PHACTR2: variants seen among roughly 807,000 people sequenced by gnomAD.
The protein encoded by PHACTR2 is chromosome 6 open reading frame 56.
In PHACTR2, 30 loss-of-function variants were observed where a neutral mutation model predicts 76.0. That is an observed-to-expected ratio of 0.39 (90% CI 0.30 to 0.54). The LOEUF is 0.54. Among genes scored for constraint, PHACTR2 ranks in the 20% least tolerant of loss-of-function variants. The pLI, the probability that PHACTR2 is intolerant of heterozygous loss-of-function variation, is 0.61. For missense variants in PHACTR2, 696 were observed against 781.1 expected, an observed-to-expected ratio of 0.89 and a Z score of 1.30; for synonymous variants, 292 against 292.5, an observed-to-expected ratio of 1.00 and a Z score of 0.02.
chr6:143,740,164 G>T (rs1210654488), intron 2 of PHACTR2, among the ~76,000 whole-genome samples: 1 of 152,148 alleles, frequency 6.6e-6, no homozygotes, highest in Non-Finnish European at 1.5e-5. Context: ...ACCGTATAGG[G>T]TAACTTCCTA....
rs542210767 is a variant in PHACTR2, at chr6:143,809,927, C to T, written c.1922+2794C>T. On this transcript the variant is annotated intron_variant, in intron 12 of 12. Coordinates refer to ENST00000440869, the MANE Select transcript of PHACTR2 (RefSeq NM_001100164.2). The surrounding 1 kb of genome is among the most constrained non-coding windows in gnomAD (Gnocchi z 4.2). ...AGGAGTTCGAGACCAGCCTGGACAA[C>T]ATAGCAAACCCTGTCTCTACTAAAA... Among the ~76,000 whole-genome samples the T allele has an allele frequency of 2.0e-5, 3 of 152,094 alleles. No homozygotes were observed. Among genetic ancestry groups the T allele is most frequent in the Admixed American group, 1.3e-4 (2 of 15,278 alleles).
At position 143,738,345 on chromosome 6, in the gene PHACTR2, A is replaced by G. The variant is rs1024961691; in HGVS notation, c.215-10640A>G. Among the ~76,000 whole-genome samples the G allele has an allele frequency of 6.8e-4, 103 of 151,798 alleles. 1 individual carries two copies. The highest frequency in any genetic ancestry group is 2.3e-3 in the African/African-American group (96 of 41,378). ...AGCCTGGGCGACAGAGGGAGACTCCATCTCAAAACAAAACAAAACAAAAGA... is the reference window on the plus strand; with the variant it reads ...AGCCTGGGCGACAGAGGGAGACTCCGTCTCAAAACAAAACAAAACAAAAGA... On this transcript the variant is annotated intron_variant, in intron 2 of 12. Transcript: ENST00000440869. The surrounding 1 kb of genome is among the most constrained non-coding windows in gnomAD (Gnocchi z 4.0).
Position 143,541,167 on chromosome 6 carries a change from A to G in PHACTR2, c.217+3960A>G, listed in dbSNP as rs1781168043. Among the ~76,000 whole-genome samples, 3 of 152,250 alleles carry G rather than the reference A, an allele frequency of 2.0e-5. No individual in the cohort carries two copies. Among genetic ancestry groups the G allele is most frequent in the African/African-American group, 4.8e-5 (2 of 41,460 alleles). ...AATTTTTAAAGTAAAATCTTGAAACAAGGTTCTCATAGTATATGGTCATGT... is the reference window on the plus strand; with the variant it reads ...AATTTTTAAAGTAAAATCTTGAAACGAGGTTCTCATAGTATATGGTCATGT... On this transcript the variant is annotated intron_variant, in intron 1 of 11. Transcript: ENST00000367584. This position sits in a 1 kb window ranked among gnomAD's most constrained non-coding sequence, Gnocchi z 5.3.
At chr6:143,773,990 C>T in intron 7 of PHACTR2, 69 bp from the exon 8 acceptor site, 10 of 1,354,972 alleles carry the variant, frequency 7.4e-6, no homozygotes, top group Non-Finnish European at 9.3e-6. Flanking sequence ...AAGTCCATGC[C>T]ATGTGTAACC....
At position 143,783,087 on chromosome 6, in the gene PHACTR2, A is replaced by G. The variant is rs959267703; in HGVS notation, c.1646-132A>G. ...AACCTTCCTACAAAATATTTTGACAACTTTTTAACAATGTTGGTTGTGTGT... is the reference window on the plus strand; with the variant it reads ...AACCTTCCTACAAAATATTTTGACAGCTTTTTAACAATGTTGGTTGTGTGT... On this transcript the variant is annotated intron_variant, in intron 9 of 12. Coordinates refer to ENST00000440869, the MANE Select transcript of PHACTR2 (RefSeq NM_001100164.2). The surrounding 1 kb of genome is among the most constrained non-coding windows in gnomAD (Gnocchi z 5.2). 10 of 588,884 alleles carry G rather than the reference A, an allele frequency of 1.7e-5. No homozygotes were observed. The highest frequency in any genetic ancestry group is 2.5e-5 in the Non-Finnish European group (8 of 321,078). 36.5% of individuals were successfully genotyped at this position (588,884 alleles called of 1,614,324 possible).
At chr6:143,736,923 C>T (rs1188232379) in intron 2 of PHACTR2, among the ~76,000 whole-genome samples, 1 of 151,522 alleles carries the variant, frequency 6.6e-6, no homozygotes, top group Non-Finnish European at 1.5e-5. Flanking sequence ...GGTTTTAGTG[C>T]CTGTGTTTTC....
At position 143,652,905 on chromosome 6, in the gene PHACTR2, G is replaced by A. The variant is rs1218940588; in HGVS notation, c.13+44583G>A. Among the ~76,000 whole-genome samples the A allele has an allele frequency of 6.6e-6, 1 of 152,198 alleles. No homozygotes were observed. On this transcript the variant is annotated intron_variant, in intron 1 of 11. Transcript: ENST00000305766. The surrounding 1 kb of genome is among the most constrained non-coding windows in gnomAD (Gnocchi z 4.5). The stretch of plus-strand genomic sequence containing the variant: ...AGGATGATTCATGGTCCCTGTGCAG[G>A]CACTGCACCCAGCACCTTCTCAGGA...
rs1345028250 is a variant in PHACTR2, at chr6:143,608,816, T to A, written c.13+494T>A. 6.6e-6 allele frequency among the ~76,000 whole-genome samples: 1 copy of A among 152,218 alleles called. No individual in the cohort carries two copies. The highest frequency in any genetic ancestry group is 1.9e-4 in the East Asian group (1 of 5,198). ...AATGTTTCGATAGCCTCTGATATTTTAATTTCAGAATAGAGACATTAGTGG... is the reference window on the plus strand; with the variant it reads ...AATGTTTCGATAGCCTCTGATATTTAAATTTCAGAATAGAGACATTAGTGG... On this transcript the variant is annotated intron_variant, in intron 1 of 11. Transcript: ENST00000305766. The surrounding 1 kb of genome is among the most constrained non-coding windows in gnomAD (Gnocchi z 4.6).
chr6:143,598,550 A>G lies in PHACTR2; in HGVS notation c.217+61343A>G, dbSNP rs1260301134. ...CAACAGGAAACTAATACTGATGAAA[A>G]GATAATAGGAAAGGAAAGTAAAAGC... is the stretch of plus-strand genomic sequence containing the variant. On this transcript the variant is annotated intron_variant, in intron 1 of 11. Coordinates refer to the PHACTR2 transcript ENST00000367584. This position sits in a 1 kb window ranked among gnomAD's most constrained non-coding sequence, Gnocchi z 4.1. Among the ~76,000 whole-genome samples the G allele has an allele frequency of 6.6e-6, 1 of 152,194 alleles. No homozygotes were observed. Among genetic ancestry groups the G allele is most frequent in the Non-Finnish European group, 1.5e-5 (1 of 68,022 alleles).
intron 1 of PHACTR2, among the ~76,000 whole-genome samples, chr6:143,642,431 TTCTTA>T (rs745309986): frequency 6.6e-6 from 1 of 152,238 alleles, no homozygotes; most frequent in Non-Finnish European, 1.5e-5. Flanking sequence ...GATTTGCACC[TTCTTA>T]TCTTCAGAGC....
At chr6:143,713,442 A>T (rs1778228679) in intron 2 of PHACTR2, among the ~76,000 whole-genome samples, 1 of 152,104 alleles carries the variant, frequency 6.6e-6, no homozygotes, top group Non-Finnish European at 1.5e-5. Context: ...ATATTGGAAA[A>T]TTTCTGTAAT....
intron 1 of PHACTR2, among the ~76,000 whole-genome samples, chr6:143,635,435 T>G (rs897160048): frequency 2.5e-4 from 38 of 152,030 alleles, no homozygotes; most frequent in Non-Finnish European, 5.9e-5. Flanking sequence ...CTCTTCAAAG[T>G]TGGAATTGTG....
In PHACTR2 at chr6:143,537,738, A is replaced by T. The variant is rs1781131296; in HGVS notation, c.217+531A>T. The stretch of plus-strand genomic sequence containing the variant: ...ATATGAGTTTTTCCTCCTTGCAAAA[A>T]CCCATGAGGTTAATGGGGGAGAGCA... On this transcript the variant is annotated intron_variant, in intron 1 of 11. Coordinates refer to the PHACTR2 transcript ENST00000367584. This position sits in a 1 kb window ranked among gnomAD's most constrained non-coding sequence, Gnocchi z 4.4. 6.6e-6 allele frequency among the ~76,000 whole-genome samples: 1 copy of T among 151,566 alleles called. No homozygotes were observed. The highest frequency in any genetic ancestry group is 1.5e-5 in the Non-Finnish European group (1 of 67,894).
intron 1 of PHACTR2, among the ~76,000 whole-genome samples, chr6:143,631,408 G>A (rs568810673): frequency 6.6e-6 from 1 of 152,100 alleles, no homozygotes; most frequent in South Asian, 2.1e-4. Flanking sequence ...TGCCCAGTCT[G>A]GTCTTAAACT....
In PHACTR2 at chr6:143,627,682, A is replaced by G. The variant is rs1582713863; in HGVS notation, c.13+19360A>G. On this transcript the variant is annotated intron_variant, in intron 1 of 11. Coordinates refer to the PHACTR2 transcript ENST00000305766. This position sits in a 1 kb window ranked among gnomAD's most constrained non-coding sequence, Gnocchi z 4.3. ...AGTGGCACGATCTCGGCTCACTGCA[A>G]CCTCCGCCTCCCAGGTTCAAGCGAT... Among the ~76,000 whole-genome samples, 1 of 150,854 alleles carries G rather than the reference A, an allele frequency of 6.6e-6. No homozygotes were observed. The highest frequency in any genetic ancestry group is 2.4e-5 in the African/African-American group (1 of 40,988).
In PHACTR2 at chr6:143,801,405, C is replaced by A. The variant is rs1418414563; in HGVS notation, c.1846-5652C>A. Among the ~76,000 whole-genome samples the A allele has an allele frequency of 1.3e-5, 2 of 152,124 alleles. No individual in the cohort carries two copies. The highest frequency in any genetic ancestry group is 4.8e-5 in the African/African-American group (2 of 41,432). ...GAGGCTTTGTTCATTTCTTTTCACT[C>A]CTTATTCTCTAATCTTGTCTTCTCA... On this transcript the variant is annotated intron_variant, in intron 11 of 12. Coordinates refer to ENST00000440869, the MANE Select transcript of PHACTR2 (RefSeq NM_001100164.2). This position sits in a 1 kb window ranked among gnomAD's most constrained non-coding sequence, Gnocchi z 4.6.
chr6:143,555,572 A>C (rs745506724), intron 1 of PHACTR2, among the ~76,000 whole-genome samples: 3 of 152,114 alleles, frequency 2.0e-5, no homozygotes, highest in Non-Finnish European at 4.4e-5. Flanking sequence ...TCAACACAGA[A>C]ATATTTTACA....
At chr6:143,704,984 G>A (rs1778014498) in intron 1 of PHACTR2, among the ~76,000 whole-genome samples, 1 of 149,732 alleles carries the variant, frequency 6.7e-6, no homozygotes, top group African/African-American at 2.5e-5. Flanking sequence ...GCTCCACCAT[G>A]CCCGGATAAT....
chr6:143,783,107 G>T lies in PHACTR2; in HGVS notation c.1646-112G>T. 1.6e-6 allele frequency: 1 copy of T among 635,628 alleles called. No homozygotes were observed. Among genetic ancestry groups the T allele is most frequent in the South Asian group, 1.8e-5 (1 of 55,264 alleles). 39.4% of individuals were successfully genotyped at this position (635,628 alleles called of 1,614,324 possible). On this transcript the variant is annotated intron_variant, in intron 9 of 12. Transcript: ENST00000440869. The surrounding 1 kb of genome is among the most constrained non-coding windows in gnomAD (Gnocchi z 5.2). ...TGACAACTTTTTAACAATGTTGGTTGTGTGTTTGATCATTATTTGTTAGAG... is the reference window on the plus strand; with the variant it reads ...TGACAACTTTTTAACAATGTTGGTTTTGTGTTTGATCATTATTTGTTAGAG...
Sources: allele counts gnomAD v4.1 joint callset (sites outside exome capture counted in the v4.1 genomes callset), GRCh38; gene constraint gnomAD v4.1.1; non-coding constraint Gnocchi (gnomAD v3.1); transcripts MANE v1.5; gene names NCBI Gene and HGNC (gene_info 2026-07-23, HGNC 2026-07-21).